Variants in MAP2 observed in about 807,000 individuals in gnomAD.
MAP2 encodes the protein microtubule associated protein 2, also known as microtubule-associated protein 2.
A neutral mutation model predicts 137.6 loss-of-function variants in MAP2; 14 were observed. That is an observed-to-expected ratio of 0.10 (90% CI 0.07 to 0.16). MAP2 has a LOEUF of 0.16. MAP2 is among the 10% of genes least tolerant of loss of function. MAP2 has a pLI of 1.00. For synonymous variants in MAP2, 786 were observed against 782.3 expected (o/e 1.00, Z -0.08); for missense variants, 2,088 against 2,191.5 (o/e 0.95, Z 0.94).
chr2:209,662,971 C>T (rs1347831471), intron 5 of MAP2, among the ~76,000 whole-genome samples: 1 of 151,536 alleles, frequency 6.6e-6, no homozygotes, highest in African/African-American at 2.4e-5. Context: ...TATATATACA[C>T]ACATATATAT....
intron 5 of MAP2, among the ~76,000 whole-genome samples, chr2:209,675,583 T>C (rs1419042160): frequency 6.6e-6 from 1 of 151,916 alleles, no homozygotes; most frequent in Non-Finnish European, 1.5e-5. Context: ...TTATTTGGGC[T>C]ACACTTGTAT....
At chr2:209,697,076 A>G in intron 10 of MAP2, 25 bp downstream of exon 10, 1 of 1,558,648 alleles carries the variant, frequency 6.4e-7, no homozygotes. Flanking sequence ...CTGCAATGTG[A>G]CTGGCAAACA....
At chr2:209,511,575 A>G (rs2061723001) in intron 2 of MAP2, among the ~76,000 whole-genome samples, 1 of 151,936 alleles carries the variant, frequency 6.6e-6, no homozygotes, top group Non-Finnish European at 1.5e-5. Flanking sequence ...ATGATTTCCT[A>G]TGATTTTTTT....
At position 209,662,850 on chromosome 2, in the gene MAP2, A is replaced by G. The variant is rs749577808; in HGVS notation, c.262+9418A>G. ...TTTCTCCTCACAAAAGAGAAAAAGA[A>G]AAAAAAGATAAGATAAAAAATCTAA... On this transcript the variant is annotated intron_variant, in intron 5 of 15. Transcript: ENST00000682079. Among the ~76,000 whole-genome samples the G allele has an allele frequency of 2.0e-5, 3 of 152,098 alleles. No individual in the cohort carries two copies. In the South Asian group the frequency reaches 6.2e-4, roughly 32 times the overall value.
intron 1 of MAP2, among the ~76,000 whole-genome samples, chr2:209,458,490 T>C (rs1254435669): frequency 6.6e-6 from 1 of 152,046 alleles, no homozygotes; most frequent in African/African-American, 2.4e-5. Context: ...CAAAATATGG[T>C]CCATGCAAAG....
intron 10 of MAP2, among the ~76,000 whole-genome samples, chr2:209,698,342 C>T (rs1381590146): frequency 6.6e-6 from 1 of 152,108 alleles, no homozygotes; most frequent in Non-Finnish European, 1.5e-5. Context: ...TCTTACCTTA[C>T]ACTATATTTT....
intron 1 of MAP2, among the ~76,000 whole-genome samples, chr2:209,467,170 A>G (rs1004574205): frequency 2.6e-5 from 4 of 152,086 alleles, no homozygotes; most frequent in African/African-American, 7.2e-5. Flanking sequence ...TACCTTTGCT[A>G]TGTCTTTTTT....
intron 3 of MAP2, among the ~76,000 whole-genome samples, chr2:209,603,313 C>T (rs1306280134): frequency 6.6e-6 from 1 of 152,112 alleles, no homozygotes; most frequent in African/African-American, 2.4e-5. Flanking sequence ...ACGAAAGATA[C>T]CTTAGAAAAC....
chr2:209,692,441 A>G (rs1280780900), intron 7 of MAP2, among the ~76,000 whole-genome samples, 184 bp from the exon 8 acceptor site: 4 of 152,190 alleles, frequency 2.6e-5, no homozygotes, highest in Admixed American at 2.0e-4. Context: ...CATTTTAGTA[A>G]TAGTACACAT....
chr2:209,475,328 T>G (rs781247971), intron 1 of MAP2, among the ~76,000 whole-genome samples: 60 of 152,122 alleles, frequency 3.9e-4, no homozygotes, highest in Admixed American at 7.9e-4. Flanking sequence ...GTTCTCCTCT[T>G]GTTTTTATTT....
intron 2 of MAP2, among the ~76,000 whole-genome samples, chr2:209,547,385 T>G (rs962081915): frequency 2.0e-5 from 3 of 152,156 alleles, no homozygotes; most frequent in Non-Finnish European, 4.4e-5. Flanking sequence ...TCCTTCCACT[T>G]AGTTTTTAAG....
intron 5 of MAP2, among the ~76,000 whole-genome samples, chr2:209,656,074 A>G (rs1231279897): frequency 6.6e-6 from 1 of 152,108 alleles, no homozygotes; most frequent in Non-Finnish European, 1.5e-5. Context: ...CAAGATCCTT[A>G]CTTTTTTCCC....
intron 12 of MAP2, 111 bp downstream of exon 12, chr2:209,705,838 A>T (rs2063234879): frequency 1.0e-6 from 1 of 962,424 alleles, no homozygotes; most frequent in African/African-American, 1.7e-5. Flanking sequence ...CATTAAGACT[A>T]GATTATATTT....
intron 13 of MAP2, among the ~76,000 whole-genome samples, chr2:209,719,406 A>G (rs2069184512): frequency 6.6e-6 from 1 of 152,236 alleles, no homozygotes; most frequent in South Asian, 2.1e-4. Flanking sequence ...CTCATTGCTC[A>G]AGAAATTCAA....
intron 2 of MAP2, among the ~76,000 whole-genome samples, chr2:209,575,248 G>A (rs1019398166): frequency 1.3e-5 from 2 of 151,922 alleles, no homozygotes; most frequent in African/African-American, 4.8e-5. Flanking sequence ...AAGGCCGGGT[G>A]CGCTGGCTCA....
intron 3 of MAP2, among the ~76,000 whole-genome samples, chr2:209,598,972 A>G (rs1441574867): frequency 3.3e-5 from 5 of 151,892 alleles, no homozygotes; most frequent in South Asian, 2.1e-4. Context: ...CAGTAATGGG[A>G]TGGCTGGGTC....
At chr2:209,640,486 G>A (rs887290788) in intron 4 of MAP2, among the ~76,000 whole-genome samples, 3 of 151,478 alleles carry the variant, frequency 2.0e-5, no homozygotes, top group Non-Finnish European at 4.4e-5. Context: ...TAACAGGATG[G>A]TCATTCAGGT....
chr2:209,655,039 C>T (rs1037321791), intron 5 of MAP2, among the ~76,000 whole-genome samples: 2 of 152,176 alleles, frequency 1.3e-5, no homozygotes, highest in African/African-American at 2.4e-5. Flanking sequence ...CAACACCATT[C>T]ACTATTTCAT....
chr2:209,468,483 G>A (rs34923027), intron 1 of MAP2, among the ~76,000 whole-genome samples: 10,144 of 151,578 alleles, frequency 0.067, 432 homozygotes, highest in African/African-American at 0.11. Context: ...ACCACGCCCG[G>A]CTAATTTTTT....
Sources: allele counts gnomAD v4.1 joint callset (sites outside exome capture counted in the v4.1 genomes callset), GRCh38; gene constraint gnomAD v4.1.1; transcripts MANE v1.5; gene names NCBI Gene and HGNC (gene_info 2026-07-23, HGNC 2026-07-21).